Variants in DAB1 observed in about 807,000 individuals in gnomAD.
DAB1 encodes disabled homolog 1.
Under a neutral mutation model 64.6 loss-of-function variants are expected in DAB1, and 15 were observed. That is an observed-to-expected ratio of 0.23 (90% CI 0.16 to 0.36). The LOEUF (loss-of-function observed/expected upper bound fraction) is 0.36. Among genes scored for constraint, DAB1 ranks in the 10% least tolerant of loss-of-function variants. The pLI is 1.00. For synonymous variants in DAB1, 235 were observed against 251.9 expected (o/e 0.93, Z 0.64); for missense variants, 596 against 706.7 (o/e 0.84, Z 1.78).
intron 1 of DAB1, among the ~76,000 whole-genome samples, chr1:57,369,679 T>A (rs1680339858): frequency 6.6e-6 from 1 of 152,218 alleles, no homozygotes; most frequent in African/African-American, 2.4e-5. Flanking sequence ...GCTTGGACTC[T>A]GGATTCAGGC....
chr1:57,731,678 G>A (rs1557448441), intron 6 of DAB1, among the ~76,000 whole-genome samples: 1 of 151,974 alleles, frequency 6.6e-6, no homozygotes, highest in Non-Finnish European at 1.5e-5. Flanking sequence ...GGTGGTGCAT[G>A]TCTGTAATCC....
intron 1 of DAB1, among the ~76,000 whole-genome samples, chr1:57,327,345 A>T (rs920363699): frequency 1.3e-5 from 2 of 152,164 alleles, no homozygotes; most frequent in African/African-American, 4.8e-5. Context: ...GTCAGAGAAG[A>T]GAGAGATGCG....
intron 4 of DAB1, among the ~76,000 whole-genome samples, chr1:58,283,204 C>T (rs888101711): frequency 2.6e-5 from 4 of 151,476 alleles, no homozygotes; most frequent in African/African-American, 9.7e-5. Flanking sequence ...ATCCATCTGT[C>T]AGTGCGCATA....
chr1:57,291,760 A>C lies in DAB1; in HGVS notation c.-136-594T>G, dbSNP rs143030275. Among the ~76,000 whole-genome samples, 111 of 152,324 alleles carry C rather than the reference A, an allele frequency of 7.3e-4. 1 individual carries two copies. Among genetic ancestry groups the C allele is most frequent in the African/African-American group, 2.5e-3 (106 of 41,574 alleles). On this transcript the variant is annotated intron_variant, in intron 1 of 14. Coordinates refer to ENST00000371236, the MANE Select transcript of DAB1 (RefSeq NM_001365792.1). Reference sequence around the variant, plus strand: ...CAGACAAGCATTTAATGTGCAGAGAAAAAGAAAAGAAACAGGCAGACACAG... The same window carrying C: ...CAGACAAGCATTTAATGTGCAGAGACAAAGAAAAGAAACAGGCAGACACAG...
rs1487464309 is a variant in DAB1 at position 57,720,166 on chromosome 1, T to A, written n.552-70501A>T. Among the ~76,000 whole-genome samples, 3 of 152,264 alleles carry A rather than the reference T, an allele frequency of 2.0e-5. No individual in the cohort carries two copies. The East Asian group carries it at 5.8e-4, about 29-fold the overall frequency. On this transcript the variant is annotated intron_variant and non_coding_transcript_variant, in intron 6 of 20. Transcript: ENST00000485760. ...TAAATTAACAATAAAACTAAAAGCA[T>A]TAGAGGAATGACTCTGTGTACTGCA...
At chr1:57,695,912 A>C (rs1646839204) in intron 6 of DAB1, among the ~76,000 whole-genome samples, 1 of 152,146 alleles carries the variant, frequency 6.6e-6, no homozygotes, top group Non-Finnish European at 1.5e-5. Flanking sequence ...AACAAAACAA[A>C]AAAAGGCAAA....
At chr1:57,887,502 C>T (rs1410862998), upstream of DAB1, among the ~76,000 whole-genome samples, 2 of 152,144 alleles carry the variant, frequency 1.3e-5, no homozygotes, top group East Asian at 3.9e-4. Context: ...AGACACTGTG[C>T]TAAAACTAAA....
chr1:57,796,399 C>T (rs976770057), intron 6 of DAB1, among the ~76,000 whole-genome samples: 12 of 151,990 alleles, frequency 7.9e-5, no homozygotes, highest in African/African-American at 1.7e-4. Flanking sequence ...TGGTGGCAGG[C>T]GCCTGTAGTC....
chr1:57,682,545 C>G (rs1646648030), intron 6 of DAB1, among the ~76,000 whole-genome samples: 1 of 151,752 alleles, frequency 6.6e-6, no homozygotes, highest in African/African-American at 2.4e-5. Flanking sequence ...GAACCCTGCA[C>G]AAGGTACCTG....
chr1:57,112,023 A>G (rs1046117232), intron 4 of DAB1, among the ~76,000 whole-genome samples: 1 of 152,220 alleles, frequency 6.6e-6, no homozygotes, highest in Admixed American at 6.5e-5. Flanking sequence ...TGATATTCCC[A>G]TTAAACACTA....
At chr1:57,950,558 T>C (rs1402097250) in intron 5 of DAB1, among the ~76,000 whole-genome samples, 6 of 152,168 alleles carry the variant, frequency 3.9e-5, no homozygotes, top group Non-Finnish European at 8.8e-5. Flanking sequence ...CTATCACCCA[T>C]CAAATAGAGT....
chr1:58,122,833 C>G (rs373628106), intron 5 of DAB1, among the ~76,000 whole-genome samples: 36 of 152,090 alleles, frequency 2.4e-4, no homozygotes, highest in African/African-American at 8.7e-4. Context: ...TAAATCACAG[C>G]ACAACAGTTT....
chr1:57,366,029 A>C (rs1358974488), intron 1 of DAB1, among the ~76,000 whole-genome samples: 1 of 152,222 alleles, frequency 6.6e-6, no homozygotes, highest in Non-Finnish European at 1.5e-5. Context: ...GCGGAAAGCT[A>C]GGACTATGCA....
chr1:58,126,210 A>G (rs768037209), intron 5 of DAB1, among the ~76,000 whole-genome samples: 1 of 152,126 alleles, frequency 6.6e-6, no homozygotes, highest in Non-Finnish European at 1.5e-5. Flanking sequence ...TGCTGTACCC[A>G]TTTGCTTAAC....
intron 1 of DAB1, among the ~76,000 whole-genome samples, chr1:57,398,387 G>A (rs1682980523): frequency 7.6e-6 from 1 of 131,232 alleles, no homozygotes; most frequent in Non-Finnish European, 1.8e-5. Flanking sequence ...GGCATTGAAA[G>A]ATAAGGAGGA....
chr1:57,775,423 A>G (rs940127724), intron 6 of DAB1, among the ~76,000 whole-genome samples: 12 of 151,762 alleles, frequency 7.9e-5, no homozygotes, highest in Non-Finnish European at 1.5e-4. Flanking sequence ...TTTCCCTTTA[A>G]GCACTGTTTT....
intron 6 of DAB1, among the ~76,000 whole-genome samples, chr1:57,668,946 A>G (rs1303824147): frequency 6.6e-6 from 1 of 152,144 alleles, no homozygotes; most frequent in Non-Finnish European, 1.5e-5. Flanking sequence ...CAGACACATT[A>G]TAAATAGCTC....
At chr1:58,168,074 C>T (rs1258200584) in intron 4 of DAB1, among the ~76,000 whole-genome samples, 1 of 152,196 alleles carries the variant, frequency 6.6e-6, no homozygotes, top group Non-Finnish European at 1.5e-5. Flanking sequence ...GCTATTCTGT[C>T]CTATTTTTCC....
chr1:58,154,461 TTC>T (rs1655114337), intron 4 of DAB1, among the ~76,000 whole-genome samples: 2 of 150,466 alleles, frequency 1.3e-5, no homozygotes, highest in African/African-American at 5.0e-5. Flanking sequence ...TCTTCATTCA[TTC>T]ATTCATTCAT....
Sources: allele counts gnomAD v4.1 joint callset (sites outside exome capture counted in the v4.1 genomes callset), GRCh38; gene constraint gnomAD v4.1.1; transcripts MANE v1.5; gene names NCBI Gene and HGNC (gene_info 2026-07-23, HGNC 2026-07-21).